Variants in ADARB2 observed in about 807,000 individuals in gnomAD.
The protein encoded by ADARB2 is adenosine deaminase RNA specific B2 (inactive).
Under a neutral mutation model 62.2 loss-of-function variants are expected in ADARB2, and 25 were observed. That is an observed-to-expected ratio of 0.40 (90% CI 0.29 to 0.56). The LOEUF is 0.56. ADARB2 is among the 20% of genes least tolerant of loss of function. The pLI, the probability that ADARB2 is intolerant of heterozygous loss-of-function variation, is 0.43. For missense variants in ADARB2, 1,071 were observed against 1,077.4 expected, an observed-to-expected ratio of 0.99 and a Z score of 0.08; for synonymous variants, 572 against 500.8, an observed-to-expected ratio of 1.14 and a Z score of -1.90.
chr10:1,437,706 T>A (rs987063639), intron 1 of ADARB2, among the ~76,000 whole-genome samples: 2 of 142,626 alleles, frequency 1.4e-5, no homozygotes, highest in African/African-American at 5.2e-5. Context: ...TGGGCAGGAG[T>A]GGGGTTTGGA....
At chr10:1,525,416 T>C (rs777677256) in intron 1 of ADARB2, among the ~76,000 whole-genome samples, 1 of 152,244 alleles carries the variant, frequency 6.6e-6, no homozygotes, top group Non-Finnish European at 1.5e-5. Flanking sequence ...TGATTCTTTT[T>C]ATTCCACATT....
chr10:1,596,543 G>A (rs1833338231), intron 1 of ADARB2, among the ~76,000 whole-genome samples: 1 of 152,228 alleles, frequency 6.6e-6, no homozygotes, highest in South Asian at 2.1e-4. Context: ...CCCCTGGAGA[G>A]GCCCCATCAG....
At chr10:1,512,540 T>C (rs142351633) in intron 1 of ADARB2, among the ~76,000 whole-genome samples, 5 of 152,356 alleles carry the variant, frequency 3.3e-5, no homozygotes, top group African/African-American at 1.2e-4. Context: ...ATTTCCTAGA[T>C]GAGAAGGCTG....
intron 1 of ADARB2, among the ~76,000 whole-genome samples, chr10:1,509,492 G>A (rs1831894406): frequency 6.6e-6 from 1 of 152,160 alleles, no homozygotes; most frequent in Admixed American, 6.5e-5. Context: ...GGGGACAGAG[G>A]TTTAAGCCCG....
At chr10:1,590,993 C>T (rs1360084269) in intron 1 of ADARB2, among the ~76,000 whole-genome samples, 1 of 152,222 alleles carries the variant, frequency 6.6e-6, no homozygotes, top group Non-Finnish European at 1.5e-5. Flanking sequence ...TGTACCTGTC[C>T]ATCTAATGCC....
chr10:1,503,261 A>G (rs1181839264), intron 1 of ADARB2, among the ~76,000 whole-genome samples: 1 of 151,858 alleles, frequency 6.6e-6, no homozygotes. Context: ...AGTGCAGCTC[A>G]TTTCAACGTC....
chr10:1,726,678 C>A (rs1402381421), intron 1 of ADARB2, among the ~76,000 whole-genome samples: 1 of 152,204 alleles, frequency 6.6e-6, no homozygotes, highest in East Asian at 1.9e-4. Flanking sequence ...GCAGCACTTG[C>A]CCTGAGCTGC....
intron 3 of ADARB2, among the ~76,000 whole-genome samples, chr10:1,313,953 G>T (rs1831714849): frequency 6.6e-6 from 1 of 152,182 alleles, no homozygotes; most frequent in Non-Finnish European, 1.5e-5. Context: ...AACTCGCTAT[G>T]TCTGAAAACC....
chr10:1,431,177 A>G (rs1830774540), intron 1 of ADARB2, among the ~76,000 whole-genome samples: 1 of 152,208 alleles, frequency 6.6e-6, no homozygotes, highest in Admixed American at 6.5e-5. Flanking sequence ...AATATATACC[A>G]TATACTGAGC....
At chr10:1,673,991 A>T (rs1834428775) in intron 1 of ADARB2, among the ~76,000 whole-genome samples, 1 of 152,262 alleles carries the variant, frequency 6.6e-6, no homozygotes, top group Non-Finnish European at 1.5e-5. Flanking sequence ...TAAATGTGCA[A>T]AACTGAGAAT....
At chr10:1,529,223 C>A (rs1832188800) in intron 1 of ADARB2, among the ~76,000 whole-genome samples, 1 of 141,204 alleles carries the variant, frequency 7.1e-6, no homozygotes, top group Admixed American at 7.2e-5. Context: ...GTCCACGCAC[C>A]ATCCCCAACA....
chr10:1,302,391 T>C (rs1831582372), intron 3 of ADARB2, among the ~76,000 whole-genome samples: 1 of 152,142 alleles, frequency 6.6e-6, no homozygotes, highest in Admixed American at 6.5e-5. Context: ...CCACGGAGTC[T>C]CGCTGATTGC....
intron 4 of ADARB2, among the ~76,000 whole-genome samples, chr10:1,251,911 C>A (rs1831040798): frequency 6.6e-6 from 1 of 152,222 alleles, no homozygotes; most frequent in African/African-American, 2.4e-5. Context: ...CAGAGTGCAG[C>A]CCTCTCGACA....
At chr10:1,195,394 T>G (rs1442593976) in intron 8 of ADARB2, among the ~76,000 whole-genome samples, 1 of 131,860 alleles carries the variant, frequency 7.6e-6, no homozygotes, top group Non-Finnish European at 1.5e-5. Context: ...ACACAGTTTT[T>G]TTTTTGTTTT....
At chr10:1,209,267 A>C (rs953130467) in intron 7 of ADARB2, among the ~76,000 whole-genome samples, 9 of 151,924 alleles carry the variant, frequency 5.9e-5, no homozygotes, top group African/African-American at 2.2e-4. Context: ...TGACACCCAC[A>C]CCCATGCCCA....
At chr10:1,640,408 C>T (rs909889340) in intron 1 of ADARB2, among the ~76,000 whole-genome samples, 2 of 152,164 alleles carry the variant, frequency 1.3e-5, no homozygotes, top group Admixed American at 6.5e-5. Context: ...ACTAATTCTA[C>T]CTTTTTTAAA....
At chr10:1,352,271 G>A (rs1832151146) in intron 3 of ADARB2, among the ~76,000 whole-genome samples, 1 of 152,164 alleles carries the variant, frequency 6.6e-6, no homozygotes, top group South Asian at 2.1e-4. Flanking sequence ...CCTAGGCATG[G>A]TTAGATACTT....
At chr10:1,219,552 G>A (rs892330021) in intron 6 of ADARB2, among the ~76,000 whole-genome samples, 2 of 152,200 alleles carry the variant, frequency 1.3e-5, no homozygotes, top group African/African-American at 2.4e-5. Context: ...AGTCATTCAC[G>A]GAAAAAAGAG....
chr10:1,694,727 C>A (rs112516685), intron 1 of ADARB2, among the ~76,000 whole-genome samples: 3 of 152,166 alleles, frequency 2.0e-5, no homozygotes, highest in Non-Finnish European at 2.9e-5. Context: ...ATAGGACAAG[C>A]ACATTTACGT....
Sources: gnomAD v4.1 joint callset for allele counts (sites outside exome capture counted in the v4.1 genomes callset) on GRCh38, gnomAD v4.1.1 for gene constraint, MANE v1.5 for transcripts, NCBI Gene and HGNC (gene_info 2026-07-23, HGNC 2026-07-21) for gene names.